Variants in NDUFAF6 observed in about 807,000 individuals in gnomAD.
NDUFAF6 encodes NADH dehydrogenase (ubiquinone) complex I, assembly factor 6.
NDUFAF6 carries 45 observed loss-of-function variants against 40.8 expected under a neutral mutation model. The observed-to-expected ratio is 1.10, with a 90% confidence interval of 0.87 to 1.42. The LOEUF (loss-of-function observed/expected upper bound fraction) is 1.42. NDUFAF6 is among the 40% of genes most tolerant of loss of function. NDUFAF6 has a pLI of 0.00. For synonymous variants in NDUFAF6, 185 were observed against 155.9 expected, an observed-to-expected ratio of 1.19 and a Z score of -1.39; for missense variants, 435 against 418.5, an observed-to-expected ratio of 1.04 and a Z score of -0.34.
At chr8:95,035,382 A>G in intron 2 of NDUFAF6, 72 bp from the exon 3 acceptor site, 3 of 1,538,926 alleles carry the variant, frequency 1.9e-6, no homozygotes, top group Admixed American at 1.7e-5. Context: ...AACTCAAAAA[A>G]TTCCCTCAAA....
At chr8:95,112,784 C>T (rs1320532955) in intron 4 of NDUFAF6, among the ~76,000 whole-genome samples, 1 of 152,222 alleles carries the variant, frequency 6.6e-6, no homozygotes, top group Non-Finnish European at 1.5e-5. Context: ...ATATATTTCT[C>T]TGTGTGACTT....
chr8:95,105,393 T>C (rs572542913), downstream of NDUFAF6, among the ~76,000 whole-genome samples: 1 of 151,738 alleles, frequency 6.6e-6, no homozygotes, highest in Admixed American at 6.6e-5. Context: ...AGGGTCTCAC[T>C]CTGTTGCCCA....
At chr8:95,103,971 A>G (rs760902286), downstream of NDUFAF6, among the ~76,000 whole-genome samples, 5 of 152,162 alleles carry the variant, frequency 3.3e-5, no homozygotes, top group Non-Finnish European at 5.9e-5. Context: ...TTCTTCCTTT[A>G]TAAGGCTGCT....
chr8:94,900,864 G>T (rs1309462223), intron 1 of NDUFAF6, among the ~76,000 whole-genome samples: 1 of 152,204 alleles, frequency 6.6e-6, no homozygotes, highest in Non-Finnish European at 1.5e-5. Context: ...CACAGAGGAG[G>T]TGACATTTTA....
At chr8:95,052,279 A>G (rs778493669) in intron 8 of NDUFAF6, 49 bp downstream of exon 8, 2 of 1,564,896 alleles carry the variant, frequency 1.3e-6, no homozygotes, top group African/African-American at 1.4e-5. Flanking sequence ...GCAGATGTGT[A>G]TGATCTGTTT....
downstream of NDUFAF6, among the ~76,000 whole-genome samples, chr8:95,059,469 C>CT (rs765584803): frequency 2.0e-5 from 3 of 152,164 alleles, no homozygotes; most frequent in East Asian, 5.8e-4. Context: ...CTAGTAGACT[C>CT]TTAGTTGGTA....
intron 2 of NDUFAF6, chr8:95,085,758 T>C (rs967814280): frequency 6.6e-6 from 1 of 152,054 alleles, no homozygotes; most frequent in African/African-American, 2.4e-5. Flanking sequence ...CTCTGTAGAC[T>C]CTTTAACATT....
upstream of NDUFAF6, among the ~76,000 whole-genome samples, chr8:94,953,368 A>G (rs1338657622): frequency 6.6e-6 from 1 of 152,094 alleles, no homozygotes; most frequent in African/African-American, 2.4e-5. Context: ...AAACAAAAAA[A>G]AAACCTTTGA....
chr8:94,971,359 A>C (rs954356126), intron 1 of NDUFAF6, among the ~76,000 whole-genome samples: 1 of 152,212 alleles, frequency 6.6e-6, no homozygotes, highest in Non-Finnish European at 1.5e-5. Context: ...ACTCCCAAAC[A>C]ATATTGTTGC....
At chr8:94,957,704 T>TTAC (rs997365841), upstream of NDUFAF6, among the ~76,000 whole-genome samples, 71 of 152,028 alleles carry the variant, frequency 4.7e-4, 1 homozygote, top group Admixed American at 1.5e-3. Flanking sequence ...GTGTTTGGAG[T>TTAC]TACGAGCTGA....
rs187318358 is a variant in NDUFAF6, at chr8:94,970,300, G to A, written c.-198-10559G>A. Among the ~76,000 whole-genome samples, 10 of 149,042 alleles carry A rather than the reference G, an allele frequency of 6.7e-5. No individual in the cohort carries two copies. The South Asian group carries it at 1.3e-3, about 19-fold the overall frequency. On this transcript the variant is annotated intron_variant, in intron 1 of 9. Transcript: ENST00000396111. ...AAGAAGGAAAAAAACATAAAATGAC[G>A]TGTTTTCAACTATTGAATTAGCAAA...
chr8:95,076,731 T>C (rs1461305645), downstream of NDUFAF6, among the ~76,000 whole-genome samples: 1 of 151,824 alleles, frequency 6.6e-6, no homozygotes, highest in Admixed American at 6.6e-5. Context: ...AAATTAGCCA[T>C]GTGTGATGGC....
intron 1 of NDUFAF6, among the ~76,000 whole-genome samples, chr8:94,959,224 A>G (rs897828124): frequency 6.6e-6 from 1 of 152,188 alleles, no homozygotes; most frequent in Non-Finnish European, 1.5e-5. Flanking sequence ...CTCCAGTCCA[A>G]CCAAGCTGCA....
At chr8:94,957,440 T>C (rs1266247066), upstream of NDUFAF6, among the ~76,000 whole-genome samples, 1 of 151,926 alleles carries the variant, frequency 6.6e-6, no homozygotes, top group Non-Finnish European at 1.5e-5. Flanking sequence ...AGAAAGAAGA[T>C]AAGGGATATC....
chr8:94,961,402 G>A (rs1441949360), intron 1 of NDUFAF6, among the ~76,000 whole-genome samples: 1 of 152,200 alleles, frequency 6.6e-6, no homozygotes, highest in East Asian at 1.9e-4. Context: ...TTCAGAGAAT[G>A]AAGTCACAGC....
intron 5 of NDUFAF6, among the ~76,000 whole-genome samples, chr8:95,116,031 G>A (rs997808947): frequency 1.3e-5 from 2 of 152,016 alleles, no homozygotes; most frequent in Non-Finnish European, 2.9e-5. Flanking sequence ...CCAGCTATTC[G>A]GGAGGCTGAG....
chr8:94,942,472 A>G (rs531821659), intron 1 of NDUFAF6, among the ~76,000 whole-genome samples: 1 of 152,276 alleles, frequency 6.6e-6, no homozygotes, highest in African/African-American at 2.4e-5. Flanking sequence ...GTTGTCTCTG[A>G]GACTTTGCCA....
At chr8:94,998,783 G>A (rs1826579642) in intron 2 of NDUFAF6, among the ~76,000 whole-genome samples, 1 of 152,164 alleles carries the variant, frequency 6.6e-6, no homozygotes, top group Admixed American at 6.5e-5. Context: ...ATCTTGAAGG[G>A]TAAACCAAGG....
At chr8:95,094,050 A>T (rs899232819) in intron 2 of NDUFAF6, among the ~76,000 whole-genome samples, 1 of 151,950 alleles carries the variant, frequency 6.6e-6, no homozygotes, top group Admixed American at 6.6e-5. Context: ...GGCTCACTGC[A>T]ACCTCTGCTT....
Sources: allele counts gnomAD v4.1 joint callset (sites outside exome capture counted in the v4.1 genomes callset), GRCh38; gene constraint gnomAD v4.1.1; transcripts MANE v1.5; gene names NCBI Gene and HGNC (gene_info 2026-07-23, HGNC 2026-07-21).